Variants in DOCK1 observed in about 807,000 individuals in gnomAD.
The protein encoded by DOCK1 is dedicator of cytokinesis protein 1.
A neutral mutation model predicts 262.7 loss-of-function variants in DOCK1; 138 were observed. The observed-to-expected ratio is 0.53, with a 90% CI of 0.46 to 0.61. The LOEUF (loss-of-function observed/expected upper bound fraction) is 0.61, where lower values mean the gene tolerates loss of function less well. Ranked by LOEUF, DOCK1 falls within the 20% of genes least tolerant of loss-of-function variation. DOCK1 has a pLI of 0.00. For missense variants in DOCK1, 1,908 were observed against 2,370.7 expected (o/e 0.80, Z 4.05); for synonymous variants, 866 against 867.4 (o/e 1.00, Z 0.03).
chr10:126,984,785 C>A (rs1227684589), intron 4 of DOCK1, among the ~76,000 whole-genome samples: 2 of 151,994 alleles, frequency 1.3e-5, no homozygotes, highest in East Asian at 3.9e-4. Context: ...TGTGCATTAC[C>A]TTACATACTT....
chr10:127,233,959 C>T (rs2058950914), intron 27 of DOCK1, among the ~76,000 whole-genome samples: 1 of 152,044 alleles, frequency 6.6e-6, no homozygotes, highest in African/African-American at 2.4e-5. Context: ...ATTTCCATAC[C>T]ATGTTTGTTA....
At chr10:127,447,249 C>A in intron 50 of DOCK1, 145 bp from the exon 51 acceptor site, 1 of 1,171,502 alleles carries the variant, frequency 8.5e-7, no homozygotes. Flanking sequence ...TCCCTGCCCT[C>A]ATCTGCTCTG....
intron 1 of DOCK1, among the ~76,000 whole-genome samples, chr10:126,967,938 C>T (rs1178193821): frequency 6.6e-5 from 10 of 152,212 alleles, no homozygotes; most frequent in African/African-American, 4.8e-5. Flanking sequence ...CTCAGCCTCC[C>T]GAGTAGCTGG....
chr10:127,333,740 A>G (rs1408556158), intron 29 of DOCK1, among the ~76,000 whole-genome samples: 1 of 152,190 alleles, frequency 6.6e-6, no homozygotes, highest in African/African-American at 2.4e-5. Context: ...CGCCGGCCAC[A>G]CCAGCCTGTC....
intron 30 of DOCK1, among the ~76,000 whole-genome samples, chr10:127,340,346 T>C (rs80245285): frequency 0.012 from 1,777 of 152,320 alleles, 50 homozygotes; most frequent in African/African-American, 0.041. Context: ...TTTTAACTCA[T>C]TGTTCTGAAT....
intron 21 of DOCK1, among the ~76,000 whole-genome samples, chr10:127,049,535 A>C (rs527742068): frequency 8.7e-4 from 132 of 152,232 alleles, no homozygotes; most frequent in African/African-American, 3.1e-3. Flanking sequence ...ATAAATAAAT[A>C]AAATAATGAG....
intron 1 of DOCK1, among the ~76,000 whole-genome samples, chr10:126,925,255 T>C (rs2033599107): frequency 6.6e-6 from 1 of 152,258 alleles, no homozygotes; most frequent in Non-Finnish European, 1.5e-5. Context: ...CTTTTATTTA[T>C]GCACACACAC....
chr10:127,407,132 C>CT (rs1012363728), intron 40 of DOCK1, among the ~76,000 whole-genome samples: 1 of 151,878 alleles, frequency 6.6e-6, no homozygotes, highest in Non-Finnish European at 1.5e-5. Context: ...TAAACTGGTT[C>CT]TTTTTTTAGC....
At chr10:127,111,101 T>G (rs554555716) in intron 25 of DOCK1, among the ~76,000 whole-genome samples, 8 of 152,334 alleles carry the variant, frequency 5.3e-5, no homozygotes, top group East Asian at 1.9e-4. Context: ...ATTCTTGGTG[T>G]TGTTCTCAGT....
intron 29 of DOCK1, among the ~76,000 whole-genome samples, chr10:127,320,173 C>T (rs1411902053): frequency 6.6e-6 from 1 of 152,012 alleles, no homozygotes; most frequent in Non-Finnish European, 1.5e-5. Flanking sequence ...CCTGGCCTTG[C>T]AGACACTGAC....
intron 25 of DOCK1, among the ~76,000 whole-genome samples, chr10:127,119,373 C>T (rs754238281): frequency 1.5e-4 from 23 of 152,108 alleles, no homozygotes; most frequent in Non-Finnish European, 2.2e-4. Context: ...ATTCTGACTC[C>T]GATGGTGCGT....
intron 10 of DOCK1, among the ~76,000 whole-genome samples, chr10:127,004,321 C>T (rs1415474628): frequency 4.0e-5 from 6 of 151,852 alleles, no homozygotes; most frequent in Non-Finnish European, 8.8e-5. Flanking sequence ...TTCCAGTTTC[C>T]TACTAGAAAC....
intron 23 of DOCK1, among the ~76,000 whole-genome samples, chr10:127,076,785 G>A (rs1177043819): frequency 2.0e-5 from 3 of 152,174 alleles, no homozygotes; most frequent in South Asian, 2.1e-4. Context: ...CTGACAGGGG[G>A]GCTCCGTCAT....
intron 38 of DOCK1, among the ~76,000 whole-genome samples, chr10:127,397,074 G>A (rs925658323): frequency 7.1e-6 from 1 of 140,516 alleles, no homozygotes; most frequent in African/African-American, 2.9e-5. Flanking sequence ...AGTTACACGG[G>A]CAGCGACTCC....
chr10:126,927,633 C>T (rs1354312888), intron 1 of DOCK1, among the ~76,000 whole-genome samples: 1 of 152,112 alleles, frequency 6.6e-6, no homozygotes, highest in Non-Finnish European at 1.5e-5. Context: ...GACGGGGTTT[C>T]ATCTTGTTGG....
chr10:127,053,980 C>G lies in DOCK1; in HGVS notation c.2336+1165C>G, dbSNP rs577223376. ...TATTGTTCTTGTTGTGAGTTCCACACACAGATGGGATTCATGAACCTGTGT... is the reference window on the plus strand; with the variant it reads ...TATTGTTCTTGTTGTGAGTTCCACAGACAGATGGGATTCATGAACCTGTGT... On this transcript the variant is annotated intron_variant, in intron 22 of 51. Coordinates refer to ENST00000623213, the MANE Select transcript of DOCK1 (RefSeq NM_001290223.2). Among the ~76,000 whole-genome samples, 26 of 152,298 alleles carry G rather than the reference C, an allele frequency of 1.7e-4. No homozygotes were observed. In the South Asian group the frequency reaches 5.4e-3, roughly 32 times the overall value.
Position 127,257,542 on chromosome 10 carries a change from G to A in DOCK1, c.3044+113G>A, listed in dbSNP as rs114533550. ...GGCTTCAATAAAATGCTCTGCAAAC[G>A]CTGTTCCTAATTCTGTGCTGCAGAC... is the stretch of plus-strand genomic sequence containing the variant. On this transcript the variant is annotated intron_variant, in intron 29 of 51. Transcript: ENST00000623213. 1,474 of 928,656 alleles carry A rather than the reference G, an allele frequency of 1.6e-3. 9 individuals are homozygous for A. The African/African-American group carries it at 0.021, about 13-fold the overall frequency. 57.5% of individuals were successfully genotyped at this position (928,656 alleles called of 1,614,324 possible).
rs745854253 is a variant in DOCK1, at chr10:127,425,997, G to A, written c.4900G>A (p.Gly1634Ser). ...QLKEKVEKEY[G>S]VRIMPSSLDD... ...GAAGGAAAAGGTGGAGAAAGAGTACGGCGTCCGAATCATGGTAAGAGGGTA... is the reference window on the plus strand; with the variant it reads ...GAAGGAAAAGGTGGAGAAAGAGTACAGCGTCCGAATCATGGTAAGAGGGTA... The change falls in exon 47 of 52, where the codon GGC becomes AGC. Residue 1634 changes from glycine (G) to serine (S), a missense_variant. Around this residue, in one of 9 missense-constraint regions of DOCK1, gnomAD observed 383 missense variants for 420.1 expected, o/e 0.91. Coordinates refer to ENST00000623213, the MANE Select transcript of DOCK1 (RefSeq NM_001290223.2). The A allele has an allele frequency of 3.8e-5, 62 of 1,613,818 alleles. No homozygotes were observed. The highest frequency in any genetic ancestry group is 1.7e-4 in the Admixed American group (10 of 60,000).
intron 27 of DOCK1, among the ~76,000 whole-genome samples, chr10:127,203,805 C>T (rs971208646): frequency 1.3e-5 from 2 of 152,022 alleles, no homozygotes; most frequent in Non-Finnish European, 2.9e-5. Flanking sequence ...TGTGTGTGCA[C>T]CCCTCACTTC....
Sources: gnomAD v4.1 joint callset for allele counts (sites outside exome capture counted in the v4.1 genomes callset) on GRCh38, gnomAD v4.1.1 for gene constraint, gnomAD v4.1.1 regional missense constraint, MANE v1.5 for transcripts, NCBI Gene and HGNC (gene_info 2026-07-23, HGNC 2026-07-21) for gene names.